The following TERF1 variants were observed in gnomAD, a reference collection of about 807,000 sequenced individuals.
The protein encoded by TERF1 is telomeric repeat-binding factor 1.
TERF1 carries 20 observed loss-of-function variants against 55.1 expected under a neutral mutation model. The observed-to-expected ratio is 0.36, with a 90% CI of 0.26 to 0.53. The LOEUF (loss-of-function observed/expected upper bound fraction) is 0.53. Among genes scored for constraint, TERF1 ranks in the 20% least tolerant of loss-of-function variants. The pLI is 0.91. For missense variants in TERF1, 439 were observed against 535.7 expected (o/e 0.82, Z 1.78); for synonymous variants, 168 against 181.2 (o/e 0.93, Z 0.59).
At chr8:73,020,265 A>G (rs1563459191) in intron 2 of TERF1, among the ~76,000 whole-genome samples, 2 of 152,158 alleles carry the variant, frequency 1.3e-5, no homozygotes, top group Non-Finnish European at 1.5e-5. Context: ...TAATAGTACA[A>G]CTATTATCTC....
chr8:73,020,395 C>T (rs943571191), intron 2 of TERF1, among the ~76,000 whole-genome samples: 1 of 152,124 alleles, frequency 6.6e-6, no homozygotes, highest in African/African-American at 2.4e-5. Context: ...CTTAAGAATT[C>T]TGTTGCTATG....
chr8:73,030,221 T>A (rs1809225196), intron 6 of TERF1, 115 bp from the exon 7 acceptor site: 1 of 658,398 alleles, frequency 1.5e-6, no homozygotes, highest in Non-Finnish European at 2.5e-6. Flanking sequence ...TACCAAGGTT[T>A]CTTTCCAAAG....
At position 73,035,341 on chromosome 8, in the gene TERF1, G is replaced by GA. The variant is rs1809467084; in HGVS notation, c.1039+3210dup. Reference sequence around the variant, plus strand: ...GAGACTTTTTTACTGACCTATGAGGGAAGTTGTTTAATTTCCAAATATCTT... The same window carrying GA: ...GAGACTTTTTTACTGACCTATGAGGGAAAGTTGTTTAATTTCCAAATATCTT... On this transcript the variant is annotated intron_variant, in intron 8 of 9. Transcript: ENST00000276603. Among the ~76,000 whole-genome samples the GA allele has an allele frequency of 2.6e-5, 4 of 152,010 alleles. No individual in the cohort carries two copies. In the South Asian group the frequency reaches 8.3e-4, roughly 32 times the overall value.
Position 73,022,422 on chromosome 8 carries a change from G to A in TERF1, c.624+120G>A, listed in dbSNP as rs866784766. 3.3e-5 allele frequency: 17 copies of A among 521,120 alleles called. No homozygotes were observed. In the Middle Eastern group the frequency reaches 1.2e-3, roughly 37 times the overall value. The allele number at this position is 521,120 out of a possible 1,614,324, so 32.3% of individuals were successfully genotyped here. ...CTTTTAAACAGTATAGAATAATACCGTGCAACAGAAAAACTACGCAAGTCA... is the reference window on the plus strand; with the variant it reads ...CTTTTAAACAGTATAGAATAATACCATGCAACAGAAAAACTACGCAAGTCA... On this transcript the variant is annotated intron_variant, in intron 4 of 9. Transcript: ENST00000276603.
chr8:73,009,227 G>T (rs758943132), intron 1 of TERF1, 22 bp downstream of exon 1: 11 of 1,594,852 alleles, frequency 6.9e-6, no homozygotes, highest in African/African-American at 2.7e-5. Flanking sequence ...CCGCGTCCGG[G>T]CCGGGACTAC....
intron 9 of TERF1, among the ~76,000 whole-genome samples, chr8:73,043,662 G>A (rs1809920729): frequency 6.6e-6 from 1 of 152,072 alleles, no homozygotes; most frequent in South Asian, 2.1e-4. Context: ...GATGATACAT[G>A]GGAAAATACT....
intron 2 of TERF1, 126 bp downstream of exon 2, chr8:73,014,116 G>A (rs1808392695): frequency 1.4e-6 from 1 of 693,700 alleles, no homozygotes; most frequent in Non-Finnish European, 2.5e-6. Context: ...GGGTGTGGGG[G>A]GGTGGTGTGT....
chr8:73,029,450 C>T (rs1411014968), intron 6 of TERF1, among the ~76,000 whole-genome samples: 3 of 152,022 alleles, frequency 2.0e-5, no homozygotes, highest in Non-Finnish European at 4.4e-5. Flanking sequence ...CATGGCAGAA[C>T]CTTGTCTTTA....
intron 6 of TERF1, among the ~76,000 whole-genome samples, chr8:73,029,118 T>G (rs1270205322): frequency 6.6e-6 from 1 of 152,110 alleles, no homozygotes; most frequent in Non-Finnish European, 1.5e-5. Context: ...CCAGTAAGGA[T>G]TCAAGTAAAG....
intron 4 of TERF1, among the ~76,000 whole-genome samples, chr8:73,023,095 A>G (rs1207605729): frequency 6.6e-6 from 1 of 152,192 alleles, no homozygotes. Context: ...TGTGTTCAGT[A>G]CAGGTGTAAT....
At chr8:73,034,222 C>G (rs1296725076) in intron 8 of TERF1, among the ~76,000 whole-genome samples, 2 of 152,190 alleles carry the variant, frequency 1.3e-5, no homozygotes, top group Non-Finnish European at 2.9e-5. Context: ...ACCTCCATTT[C>G]CAGGTTTCAA....
At chr8:73,021,303 C>A (rs1808741322) in intron 3 of TERF1, among the ~76,000 whole-genome samples, 1 of 151,786 alleles carries the variant, frequency 6.6e-6, no homozygotes, top group African/African-American at 2.4e-5. Context: ...AAAGAAAATC[C>A]AAGTCATTCC....
chr8:73,024,866 A>C lies in TERF1; in HGVS notation c.669A>C (p.Thr223=), dbSNP rs774694531. Reference sequence around the variant, plus strand: ...TTATGATAATCTCTCAGAAAGATACATTTCATTCCTTTTTTCAACACTTCA... The same window carrying C: ...TTATGATAATCTCTCAGAAAGATACCTTTCATTCCTTTTTTCAACACTTCA... The part of the protein sequence containing the change: ...KLLMIISQKD[T]FHSFFQHFSY... The change falls in exon 5 of 10, where the codon ACA becomes ACC. Residue 223 remains threonine, a synonymous_variant. Coordinates refer to ENST00000276603, the MANE Select transcript of TERF1 (RefSeq NM_017489.3). The C allele has an allele frequency of 6.3e-7, 1 of 1,589,694 alleles. No homozygotes were observed. Among genetic ancestry groups the C allele is most frequent in the Admixed American group, 1.8e-5 (1 of 57,016 alleles).
intron 8 of TERF1, among the ~76,000 whole-genome samples, chr8:73,036,954 C>T (rs1280176476): frequency 1.5e-5 from 2 of 137,468 alleles, no homozygotes; most frequent in East Asian, 4.1e-4. Context: ...TGTGAATATG[C>T]TTCATAGATT....
chr8:73,016,705 A>T (rs917061298), intron 2 of TERF1, among the ~76,000 whole-genome samples: 1 of 152,106 alleles, frequency 6.6e-6, no homozygotes, highest in Admixed American at 6.6e-5. Flanking sequence ...TGGGAGACTT[A>T]ATGTGCCTTT....
At chr8:73,015,124 A>G (rs1315934384) in intron 2 of TERF1, among the ~76,000 whole-genome samples, 1 of 152,082 alleles carries the variant, frequency 6.6e-6, no homozygotes, top group East Asian at 1.9e-4. Context: ...GGCAGGGGGG[A>G]ATCCAGATTT....
At chr8:73,045,833 G>C in intron 9 of TERF1, 128 bp from the exon 10 acceptor site, 2 of 668,274 alleles carry the variant, frequency 3.0e-6, no homozygotes, top group South Asian at 7.2e-5. Context: ...TCTAAGAAAT[G>C]TTTAGAGAAG....
intron 9 of TERF1, among the ~76,000 whole-genome samples, chr8:73,041,788 G>C (rs1809842049): frequency 6.6e-6 from 1 of 152,096 alleles, no homozygotes; most frequent in Non-Finnish European, 1.5e-5. Context: ...TGAGACCTGG[G>C]GGGGCTCCTG....
At chr8:73,037,896 A>G (rs1051320772) in intron 8 of TERF1, among the ~76,000 whole-genome samples, 9 of 123,508 alleles carry the variant, frequency 7.3e-5, no homozygotes, top group African/African-American at 2.5e-4. Context: ...GATATATAAT[A>G]TATATAAATA....
Sources: allele counts gnomAD v4.1 joint callset (sites outside exome capture counted in the v4.1 genomes callset), GRCh38; gene constraint gnomAD v4.1.1; transcripts MANE v1.5; gene names NCBI Gene and HGNC (gene_info 2026-07-23, HGNC 2026-07-21).